Variants in EEA1 observed in about 807,000 individuals in gnomAD.
EEA1 encodes early endosome antigen 1.
In EEA1, 111 loss-of-function variants were observed where a neutral mutation model predicts 209.2. The observed-to-expected ratio is 0.53, with a 90% confidence interval of 0.45 to 0.62. EEA1 has a LOEUF of 0.62. Ranked by LOEUF, EEA1 falls within the 20% of genes least tolerant of loss-of-function variation. The pLI is 0.00. For synonymous variants in EEA1, 536 were observed against 540.6 expected, an observed-to-expected ratio of 0.99 and a Z score of 0.12; for missense variants, 1,343 against 1,530.8, an observed-to-expected ratio of 0.88 and a Z score of 2.05.
intron 2 of EEA1, among the ~76,000 whole-genome samples, chr12:92,865,802 A>G (rs1271688736): frequency 1.3e-5 from 2 of 151,230 alleles, no homozygotes; most frequent in Admixed American, 6.6e-5. Context: ...CTGAAGTGCA[A>G]TGGTGCAATC....
chr12:92,781,301 T>C (rs1442704753), intron 23 of EEA1, among the ~76,000 whole-genome samples: 1 of 152,160 alleles, frequency 6.6e-6, no homozygotes, highest in Admixed American at 6.5e-5. Context: ...CCACAGAACA[T>C]TTTTAAATTA....
chr12:92,816,151 T>C (rs1875772205), intron 15 of EEA1, 49 bp downstream of exon 15: 1 of 1,512,734 alleles, frequency 6.6e-7, no homozygotes, highest in South Asian at 1.2e-5. Flanking sequence ...TTTAAAACAT[T>C]TGACGGTCTA....
At chr12:92,777,728 T>C (rs1344390904) in intron 26 of EEA1, 65 bp from the exon 27 acceptor site, 6 of 1,480,000 alleles carry the variant, frequency 4.1e-6, no homozygotes, top group Non-Finnish European at 5.5e-6. Flanking sequence ...TTCTAGGGTA[T>C]AGATAATGGA....
chr12:92,916,252 T>C (rs1880756222), intron 1 of EEA1, among the ~76,000 whole-genome samples: 1 of 152,174 alleles, frequency 6.6e-6, no homozygotes, highest in Non-Finnish European at 1.5e-5. Context: ...CACTTTTCAT[T>C]TTATTTAAGT....
chr12:92,798,901 A>G lies in EEA1; in HGVS notation c.2958T>C (p.Val986=), dbSNP rs758613160. 3 of 1,586,370 alleles carry G rather than the reference A, an allele frequency of 1.9e-6. No individual in the cohort carries two copies. The highest frequency in any genetic ancestry group is 2.6e-6 in the Non-Finnish European group (3 of 1,172,012). ...ACAAATATATCACTACCTTCTGTAA[A>G]ACAGCAATTTTAAGCTCTCCTTGGA... The part of the protein sequence containing the change: ...EALQGELKIA[V]LQKTELENKL... Residue 986 remains valine, a synonymous_variant, in exon 21 of 29, where the codon GTT becomes GTC. Coordinates refer to ENST00000322349, the MANE Select transcript of EEA1 (RefSeq NM_003566.4).
At chr12:92,895,738 C>G (rs1349641177) in intron 1 of EEA1, among the ~76,000 whole-genome samples, 1 of 152,102 alleles carries the variant, frequency 6.6e-6, no homozygotes, top group Non-Finnish European at 1.5e-5. Context: ...ACTCCTCTGA[C>G]AGATCTGGGC....
chr12:92,905,763 G>C lies in EEA1; in HGVS notation c.25-14042C>G, dbSNP rs544402768. Among the ~76,000 whole-genome samples the C allele has an allele frequency of 2.6e-5, 4 of 152,206 alleles. No homozygotes were observed. The East Asian group carries it at 7.7e-4, about 29-fold the overall frequency. ...TTGAGAAAGAACAGCACTTTACTGGGAGAAAAAATGTTATTGTTTACTTAT... is the reference window on the plus strand; with the variant it reads ...TTGAGAAAGAACAGCACTTTACTGGCAGAAAAAATGTTATTGTTTACTTAT... On this transcript the variant is annotated intron_variant, in intron 1 of 28. Coordinates refer to ENST00000322349, the MANE Select transcript of EEA1 (RefSeq NM_003566.4).
chr12:92,851,042 G>A (rs967420928), intron 9 of EEA1, 69 bp downstream of exon 9: 1 of 1,416,654 alleles, frequency 7.1e-7, no homozygotes. Context: ...CTCAAATCCT[G>A]GCTTCACTCA....
In EEA1 at chr12:92,826,269, G is replaced by C. The variant is rs1199560240; in HGVS notation, c.1421C>G (p.Thr474Arg). 1 of 1,611,724 alleles carries C rather than the reference G, an allele frequency of 6.2e-7. No individual in the cohort carries two copies. Among genetic ancestry groups the C allele is most frequent in the Non-Finnish European group, 8.5e-7 (1 of 1,178,400 alleles). ...RLEEQLKEKV[T>R]NSTELQHQLD... The stretch of plus-strand genomic sequence containing the variant: ...TTGATGCTGCAATTCTGTAGAATTT[G>C]TAACTTTTTCCTTCAACTTAAAAAA... Residue 474 changes from threonine (T) to arginine (R), a missense_variant, in exon 13 of 29, where the codon ACA (threonine) becomes AGA (arginine). Thr to Arg is a moderately conservative substitution (Grantham distance 71, BLOSUM62 -1). Transcript: ENST00000322349.
At chr12:92,874,226 C>T (rs1347978712) in intron 2 of EEA1, among the ~76,000 whole-genome samples, 2 of 151,792 alleles carry the variant, frequency 1.3e-5, no homozygotes, top group Non-Finnish European at 2.9e-5. Context: ...GAGGTTGAGG[C>T]GGGAGGATCA....
chr12:92,897,375 G>C (rs987330949), intron 1 of EEA1, among the ~76,000 whole-genome samples: 1 of 152,158 alleles, frequency 6.6e-6, no homozygotes, highest in African/African-American at 2.4e-5. Flanking sequence ...TGTGACCTTT[G>C]TAACTTTACT....
chr12:92,862,733 G>A (rs943598177), intron 3 of EEA1, among the ~76,000 whole-genome samples: 4 of 152,158 alleles, frequency 2.6e-5, no homozygotes, highest in Admixed American at 2.6e-4. Context: ...CAGTAAAAAT[G>A]TAAAAGAATA....
At chr12:92,815,057 A>G (rs1308795593) in intron 15 of EEA1, among the ~76,000 whole-genome samples, 1 of 152,248 alleles carries the variant, frequency 6.6e-6, no homozygotes, top group Non-Finnish European at 1.5e-5. Context: ...AAGGCCATAC[A>G]TCCTACTTTA....
chr12:92,905,223 T>A (rs1441121929), intron 1 of EEA1, among the ~76,000 whole-genome samples: 1 of 152,104 alleles, frequency 6.6e-6, no homozygotes, highest in African/African-American at 2.4e-5. Context: ...AGACCAAATA[T>A]ATATTTCTTA....
At chr12:92,893,912 TTG>T (rs1490628399) in intron 1 of EEA1, among the ~76,000 whole-genome samples, 1 of 152,224 alleles carries the variant, frequency 6.6e-6, no homozygotes, top group Non-Finnish European at 1.5e-5. Flanking sequence ...TCTCATTTTA[TTG>T]TGTGTCTCTT....
chr12:92,915,017 T>C (rs1880715761), intron 1 of EEA1, among the ~76,000 whole-genome samples: 1 of 152,098 alleles, frequency 6.6e-6, no homozygotes, highest in Admixed American at 6.5e-5. Context: ...ATTTGTAAAG[T>C]GAAACTAATA....
intron 9 of EEA1, among the ~76,000 whole-genome samples, chr12:92,848,651 CTTAAA>C (rs1431059621): frequency 7.0e-6 from 1 of 143,640 alleles, no homozygotes; most frequent in Non-Finnish European, 1.5e-5. Flanking sequence ...ATGAGTAATT[CTTAAA>C]TTAGAGTAAC....
chr12:92,902,133 G>A (rs1270318581), intron 1 of EEA1, among the ~76,000 whole-genome samples: 1 of 152,118 alleles, frequency 6.6e-6, no homozygotes, highest in African/African-American at 2.4e-5. Flanking sequence ...AGTCAACGCT[G>A]CAGTGAACTG....
intron 20 of EEA1, among the ~76,000 whole-genome samples, chr12:92,800,385 T>C (rs922134513): frequency 6.6e-6 from 1 of 152,164 alleles, no homozygotes; most frequent in Admixed American, 6.5e-5. Flanking sequence ...GGTAAACCAC[T>C]ATTATCTCCC....
Sources: allele counts gnomAD v4.1 joint callset (sites outside exome capture counted in the v4.1 genomes callset), GRCh38; gene constraint gnomAD v4.1.1; transcripts MANE v1.5; gene names NCBI Gene and HGNC (gene_info 2026-07-23, HGNC 2026-07-21).